Variants in EYA2 observed in about 807,000 individuals in gnomAD.
EYA2 encodes protein phosphatase EYA2.
Under a neutral mutation model 69.2 loss-of-function variants are expected in EYA2, and 31 were observed. The observed-to-expected ratio is 0.45, with a 90% CI of 0.34 to 0.60. The LOEUF is 0.60. EYA2 is among the 20% of genes least tolerant of loss of function. EYA2 has a pLI of 0.02. For missense variants in EYA2, 622 were observed against 701.2 expected, an observed-to-expected ratio of 0.89 and a Z score of 1.28; for synonymous variants, 257 against 279.4, an observed-to-expected ratio of 0.92 and a Z score of 0.80.
chr20:47,185,389 C>T (rs185934808), intron 15 of EYA2, among the ~76,000 whole-genome samples: 114 of 148,046 alleles, frequency 7.7e-4, no homozygotes, highest in Non-Finnish European at 2.1e-4. Flanking sequence ...CAACCTCCAC[C>T]TCCCAGGTTC....
At chr20:47,152,099 A>G (rs1342144193) in intron 10 of EYA2, among the ~76,000 whole-genome samples, 1 of 152,030 alleles carries the variant, frequency 6.6e-6, no homozygotes, top group Admixed American at 6.5e-5. Flanking sequence ...CTCGACGAAG[A>G]GCTCAGATTC....
chr20:46,945,397 T>C (rs1978397245), intron 1 of EYA2, among the ~76,000 whole-genome samples: 1 of 152,242 alleles, frequency 6.6e-6, no homozygotes, highest in African/African-American at 2.4e-5. Flanking sequence ...TAACCAGCTC[T>C]AAAACATCTC....
At chr20:46,923,536 G>A (rs1412955) in intron 1 of EYA2, among the ~76,000 whole-genome samples, 132,548 of 152,244 alleles carry the variant, frequency 0.87, 58,413 homozygotes, top group East Asian at 0.97. Context: ...AAAATATTGT[G>A]TCAGTGTTAA....
rs1167303953 is a variant in EYA2 at position 46,945,896 on chromosome 20, G to A, written c.-10-44105G>A. The stretch of plus-strand genomic sequence containing the variant: ...GCCATCAGCTGTTGACAGTGGGCCT[G>A]GCAAGGTCTCACGGTGCAGAAGACA... On this transcript the variant is annotated intron_variant, in intron 1 of 15. Transcript: ENST00000327619. Among the ~76,000 whole-genome samples the A allele has an allele frequency of 3.3e-5, 5 of 152,222 alleles. No homozygotes were observed. The East Asian group carries it at 9.6e-4, about 29-fold the overall frequency.
At chr20:47,166,322 C>T (rs1184290302) in intron 10 of EYA2, among the ~76,000 whole-genome samples, 1 of 132,348 alleles carries the variant, frequency 7.6e-6, no homozygotes, top group South Asian at 2.4e-4. Flanking sequence ...ATCACCTAAA[C>T]CTGGGAGGTG....
chr20:46,939,100 A>G (rs1986042410), intron 1 of EYA2, among the ~76,000 whole-genome samples: 1 of 152,186 alleles, frequency 6.6e-6, no homozygotes, highest in South Asian at 2.1e-4. Flanking sequence ...GGAGGGGCCA[A>G]TTCTGATGCC....
At chr20:47,038,020 C>G (rs1026808689) in intron 5 of EYA2, among the ~76,000 whole-genome samples, 2 of 152,176 alleles carry the variant, frequency 1.3e-5, no homozygotes, top group Non-Finnish European at 2.9e-5. Flanking sequence ...AGTGACAAAA[C>G]AGATAAAAAC....
At chr20:47,059,170 T>C (rs2030768179) in intron 5 of EYA2, among the ~76,000 whole-genome samples, 3 of 152,126 alleles carry the variant, frequency 2.0e-5, no homozygotes, top group South Asian at 4.1e-4. Flanking sequence ...TGCAGGATGG[T>C]GAGCGGGGAG....
At chr20:47,075,662 C>T (rs538667225) in intron 7 of EYA2, among the ~76,000 whole-genome samples, 21 of 152,254 alleles carry the variant, frequency 1.4e-4, no homozygotes, top group Middle Eastern at 3.4e-3. Context: ...AAGAATTATA[C>T]AATCCTTCAA....
At chr20:46,959,160 G>T (rs1440069558) in intron 1 of EYA2, among the ~76,000 whole-genome samples, 1 of 152,226 alleles carries the variant, frequency 6.6e-6, no homozygotes, top group Non-Finnish European at 1.5e-5. Context: ...ACCCAACACA[G>T]AGTAGATGCT....
At chr20:46,964,894 A>G (rs1979682796) in intron 1 of EYA2, among the ~76,000 whole-genome samples, 1 of 152,218 alleles carries the variant, frequency 6.6e-6, no homozygotes, top group Admixed American at 6.5e-5. Flanking sequence ...TAATACACTG[A>G]GTACTCTCGT....
intron 1 of EYA2, among the ~76,000 whole-genome samples, chr20:46,934,866 CA>C (rs2146255818): frequency 1.3e-5 from 2 of 152,242 alleles, no homozygotes; most frequent in Non-Finnish European, 2.9e-5. Flanking sequence ...GAGCAGAGGC[CA>C]GATGATTGAA....
chr20:47,023,226 A>G (rs1263730665), intron 5 of EYA2, among the ~76,000 whole-genome samples: 2 of 152,250 alleles, frequency 1.3e-5, no homozygotes, highest in African/African-American at 4.8e-5. Flanking sequence ...TAAGTAAAAT[A>G]TAAGCAGTCT....
At chr20:47,099,454 C>T (rs2032360704) in intron 9 of EYA2, among the ~76,000 whole-genome samples, 2 of 152,196 alleles carry the variant, frequency 1.3e-5, no homozygotes, top group South Asian at 4.1e-4. Flanking sequence ...TCGCTTGAGC[C>T]TGTGGTGAGC....
At chr20:47,029,134 C>G (rs1369671604) in intron 5 of EYA2, among the ~76,000 whole-genome samples, 1 of 152,150 alleles carries the variant, frequency 6.6e-6, no homozygotes, top group Non-Finnish European at 1.5e-5. Context: ...GATGTGAAGG[C>G]AGGGGACTCT....
chr20:46,950,763 A>G (rs1978746868), intron 1 of EYA2, among the ~76,000 whole-genome samples: 1 of 152,174 alleles, frequency 6.6e-6, no homozygotes, highest in African/African-American at 2.4e-5. Flanking sequence ...GTTGAGAGGC[A>G]TGGTGTCTTT....
intron 1 of EYA2, among the ~76,000 whole-genome samples, chr20:46,917,296 G>T (rs1984951885): frequency 6.6e-6 from 1 of 152,230 alleles, no homozygotes. Context: ...GGAAATAGCA[G>T]CGAATGCATG....
chr20:47,143,502 C>T (rs190512002), intron 10 of EYA2, among the ~76,000 whole-genome samples: 134 of 152,258 alleles, frequency 8.8e-4, no homozygotes, highest in African/African-American at 3.2e-3. Context: ...CAAATTAGTA[C>T]AGATCCTCCT....
intron 5 of EYA2, among the ~76,000 whole-genome samples, chr20:47,058,589 A>T (rs951890529): frequency 1.3e-5 from 2 of 152,194 alleles, no homozygotes; most frequent in Admixed American, 1.3e-4. Context: ...TCATGTTTGT[A>T]ATCCCAGTGC....
Sources: allele counts gnomAD v4.1 joint callset (sites outside exome capture counted in the v4.1 genomes callset), GRCh38; gene constraint gnomAD v4.1.1; transcripts MANE v1.5; gene names NCBI Gene and HGNC (gene_info 2026-07-23, HGNC 2026-07-21).